The following PJA2 variants were observed in gnomAD, a reference collection of about 807,000 sequenced individuals.
PJA2 encodes E3 ubiquitin-protein ligase Praja-2.
PJA2 carries 25 observed loss-of-function variants against 69.3 expected under a neutral mutation model. That is an observed-to-expected ratio of 0.36 (90% confidence interval 0.26 to 0.50). PJA2 has a LOEUF of 0.50. Among genes scored for constraint, PJA2 ranks in the 20% least tolerant of loss-of-function variants. PJA2 has a pLI of 0.96. For missense variants in PJA2, 809 were observed against 830.2 expected, an observed-to-expected ratio of 0.97 and a Z score of 0.31; for synonymous variants, 308 against 277.8, an observed-to-expected ratio of 1.11 and a Z score of -1.08.
At chr5:109,381,778 T>G (rs1747054403) in intron 2 of PJA2, 75 bp from the exon 3 acceptor site, 4 of 1,209,570 alleles carry the variant, frequency 3.3e-6, no homozygotes, top group Non-Finnish European at 4.7e-6. Context: ...GGAAAACTAC[T>G]TCAGTTTATA....
At chr5:109,383,925 C>T (rs760374145) in intron 1 of PJA2, among the ~76,000 whole-genome samples, 3 of 152,046 alleles carry the variant, frequency 2.0e-5, no homozygotes, top group Non-Finnish European at 4.4e-5. Context: ...GAGATCCCGT[C>T]CCAAAAATAA....
intron 1 of PJA2, among the ~76,000 whole-genome samples, chr5:109,392,952 A>G (rs1314465420): frequency 6.6e-6 from 1 of 152,166 alleles, no homozygotes; most frequent in African/African-American, 2.4e-5. Context: ...AGATTTTTTT[A>G]AAGCAGGCAA....
intron 1 of PJA2, among the ~76,000 whole-genome samples, chr5:109,391,864 G>A (rs1031733263): frequency 1.3e-5 from 2 of 152,030 alleles, no homozygotes; most frequent in Non-Finnish European, 1.5e-5. Context: ...AAAGGATATC[G>A]TTTACAAGAG....
intron 7 of PJA2, among the ~76,000 whole-genome samples, chr5:109,352,893 A>G (rs946946262): frequency 4.7e-5 from 7 of 149,688 alleles, no homozygotes; most frequent in African/African-American, 1.7e-4. Flanking sequence ...CTATATCTAT[A>G]GACATCTATA....
chr5:109,341,645 A>G (rs1404225048), intron 9 of PJA2, among the ~76,000 whole-genome samples: 2 of 31,460 alleles, frequency 6.4e-5, no homozygotes, highest in African/African-American at 1.8e-4. Flanking sequence ...TCCGGGAGGG[A>G]GGTGGGGGGG....
Position 109,355,910 on chromosome 5 carries a change from C to T in PJA2, c.1764+5G>A. The T allele has an allele frequency of 1.3e-6, 2 of 1,597,924 alleles. No individual in the cohort carries two copies. The highest frequency in any genetic ancestry group is 1.7e-6 in the Non-Finnish European group (2 of 1,166,898). On this transcript the variant is annotated splice_donor_5th_base_variant and intron_variant, in intron 7 of 9. Coordinates refer to ENST00000361189, the MANE Select transcript of PJA2 (RefSeq NM_014819.5). ...TATATATGGAGATCAGAGTTATGAA[C>T]ATACCTCCATAGCCTGGGCTAAGCG...
chr5:109,360,641 T>C (rs1027746738), intron 6 of PJA2, among the ~76,000 whole-genome samples: 4 of 152,176 alleles, frequency 2.6e-5, no homozygotes, highest in African/African-American at 9.7e-5. Context: ...GGTGTTGACA[T>C]AGAGCAACCT....
intron 7 of PJA2, 38 bp from the exon 8 acceptor site, chr5:109,344,857 T>C (rs1223105087): frequency 7.5e-7 from 1 of 1,326,832 alleles, no homozygotes; most frequent in East Asian, 2.3e-5. Context: ...TTAGAAATAC[T>C]TTAAAACAGT....
chr5:109,394,042 T>C (rs1454666084), intron 1 of PJA2, among the ~76,000 whole-genome samples: 3 of 98,680 alleles, frequency 3.0e-5, no homozygotes, highest in African/African-American at 2.0e-4. Context: ...TAATTCTCTT[T>C]TTTTTTTTTT....
At chr5:109,404,239 G>A (rs114704389) in intron 1 of PJA2, among the ~76,000 whole-genome samples, 4,621 of 151,766 alleles carry the variant, frequency 0.03, 91 homozygotes, top group Middle Eastern at 0.048. Context: ...TTTATTTCTC[G>A]GCTGGGCGCG....
At chr5:109,374,842 T>C (rs747963058) in intron 4 of PJA2, among the ~76,000 whole-genome samples, 7 of 152,212 alleles carry the variant, frequency 4.6e-5, no homozygotes, top group Non-Finnish European at 7.3e-5. Flanking sequence ...GATATGCTAG[T>C]ATTGCTGAAA....
intron 1 of PJA2, among the ~76,000 whole-genome samples, chr5:109,403,141 ACTG>A (rs1747599662): frequency 6.6e-6 from 1 of 152,158 alleles, no homozygotes; most frequent in East Asian, 1.9e-4. Context: ...GAGAGGTCAC[ACTG>A]CTAATAACAA....
At position 109,395,828 on chromosome 5, in the gene PJA2, A is replaced by C. The variant is rs552573533; in HGVS notation, c.-87-12308T>G. Among the ~76,000 whole-genome samples the C allele has an allele frequency of 7.9e-5, 12 of 152,018 alleles. No individual in the cohort carries two copies. The East Asian group carries it at 2.3e-3, about 30-fold the overall frequency. On this transcript the variant is annotated intron_variant, in intron 1 of 9. Transcript: ENST00000361189. ...AGCCTGACTAACGTGGTGAAACCCC[A>C]TTTCTACTAAAAATACAAAAAATTA...
chr5:109,359,950 A>T (rs753483661), intron 6 of PJA2, among the ~76,000 whole-genome samples: 2 of 152,190 alleles, frequency 1.3e-5, no homozygotes, highest in African/African-American at 4.8e-5. Flanking sequence ...CAACTTACTC[A>T]TAAGTGGGTC....
Position 109,355,928 on chromosome 5 carries a change from G to GC in PJA2, c.1750dup (p.Ala584GlyfsTer19). The GC allele has an allele frequency of 6.2e-7, 1 of 1,612,446 alleles. No homozygotes were observed. The highest frequency in any genetic ancestry group is 8.5e-7 in the Non-Finnish European group (1 of 1,178,840). ...TTATGAACATACCTCCATAGCCTGG[G>GC]CTAAGCGTTCTTCTAGTGCCATGTA... On this transcript the variant is annotated frameshift_variant, in exon 7 of 10. Transcript: ENST00000361189. LOFTEE classifies it high-confidence loss of function.
intron 1 of PJA2, among the ~76,000 whole-genome samples, chr5:109,394,361 C>G (rs368789562): frequency 1.2e-4 from 18 of 151,924 alleles, no homozygotes; most frequent in African/African-American, 3.6e-4. Context: ...TGCTAGTTCT[C>G]GACTTGGCTG....
intron 6 of PJA2, among the ~76,000 whole-genome samples, chr5:109,360,868 C>T (rs1762493368): frequency 7.0e-6 from 1 of 143,074 alleles, no homozygotes; most frequent in Non-Finnish European, 1.6e-5. Flanking sequence ...TGGCTCACAC[C>T]TGTAATCCCA....
At chr5:109,397,883 G>A (rs1466005877) in intron 1 of PJA2, among the ~76,000 whole-genome samples, 3 of 151,890 alleles carry the variant, frequency 2.0e-5, no homozygotes, top group Admixed American at 6.6e-5. Context: ...TGCTGCTAGG[G>A]TATGAGTAAA....
intron 1 of PJA2, among the ~76,000 whole-genome samples, chr5:109,400,163 G>A (rs570122103): frequency 1.3e-5 from 2 of 151,874 alleles, no homozygotes; most frequent in East Asian, 1.9e-4. Context: ...GGTGGTGCAC[G>A]CCCATAATTC....
Sources: allele counts gnomAD v4.1 joint callset (sites outside exome capture counted in the v4.1 genomes callset), GRCh38; gene constraint gnomAD v4.1.1; transcripts MANE v1.5; gene names NCBI Gene and HGNC (gene_info 2026-07-23, HGNC 2026-07-21).